UNC93A: variants seen among roughly 807,000 people sequenced by gnomAD.
The protein encoded by UNC93A is N-acetylglucosamine transporter UNC93A.
In UNC93A, 43 loss-of-function variants were observed where a neutral mutation model predicts 47.5. The observed-to-expected ratio is 0.91, with a 90% confidence interval of 0.71 to 1.17. The LOEUF (loss-of-function observed/expected upper bound fraction) is 1.17, where lower values mean the gene tolerates loss of function less well. Among genes scored for constraint, UNC93A ranks in the 50% most tolerant of loss-of-function variants. The pLI is 0.00. For synonymous variants in UNC93A, 280 were observed against 258.0 expected (o/e 1.09, Z -0.82); for missense variants, 605 against 577.6 (o/e 1.05, Z -0.49).
At chr6:167,298,956 A>T (rs1232220879) in intron 4 of UNC93A, among the ~76,000 whole-genome samples, 1 of 151,886 alleles carries the variant, frequency 6.6e-6, no homozygotes. Flanking sequence ...TGCACTAAAA[A>T]TACAAAAATT....
chr6:167,274,608 C>T (rs1377401678), intron 1 of UNC93A, among the ~76,000 whole-genome samples: 1 of 152,168 alleles, frequency 6.6e-6, no homozygotes, highest in Non-Finnish European at 1.5e-5. Flanking sequence ...TTCTCTATGA[C>T]ACTCTTAGCT....
At chr6:167,272,812 G>C (rs567531918) in intron 1 of UNC93A, among the ~76,000 whole-genome samples, 1 of 152,272 alleles carries the variant, frequency 6.6e-6, no homozygotes, top group African/African-American at 2.4e-5. Context: ...ATTTACAGAG[G>C]AAGCCTTCAG....
intron 7 of UNC93A, among the ~76,000 whole-genome samples, chr6:167,310,608 C>G (rs374206967): frequency 6.6e-6 from 1 of 152,130 alleles, no homozygotes; most frequent in Non-Finnish European, 1.5e-5. Flanking sequence ...TGGCCGGGTG[C>G]GGTGTCTCAC....
At chr6:167,296,318 G>C (rs562644976) in intron 3 of UNC93A, 57 bp downstream of exon 3, 4 of 1,570,244 alleles carry the variant, frequency 2.5e-6, no homozygotes, top group Non-Finnish European at 8.8e-7. Flanking sequence ...TTCAGTGATG[G>C]GGGAGAGGGT....
chr6:167,309,229 G>T (rs1193859209), intron 7 of UNC93A, among the ~76,000 whole-genome samples: 2 of 152,194 alleles, frequency 1.3e-5, no homozygotes, highest in East Asian at 3.8e-4. Context: ...GGTGCTTTGT[G>T]CGGGCTGGCT....
At chr6:167,276,537 GA>G (rs2115074826) in intron 1 of UNC93A, among the ~76,000 whole-genome samples, 1 of 152,272 alleles carries the variant, frequency 6.6e-6, no homozygotes, top group Non-Finnish European at 1.5e-5. Flanking sequence ...AGAGATGTGA[GA>G]CCCCGGCAGT....
chr6:167,292,760 A>C (rs1783869721), intron 1 of UNC93A, among the ~76,000 whole-genome samples: 1 of 152,078 alleles, frequency 6.6e-6, no homozygotes, highest in African/African-American at 2.4e-5. Context: ...GTGCATGTTG[A>C]ATGTGGTTGG....
rs781497199 is a variant in UNC93A at position 167,307,802 on chromosome 6, A to G, written c.1000A>G (p.Met334Val). The change falls in exon 7 of 8, where the codon ATG becomes GTG. Residue 334 changes from methionine (M) to valine (V), a missense_variant. Physicochemically the swap from Met to Val is conservative, Grantham distance 21. Coordinates refer to ENST00000230256, the MANE Select transcript of UNC93A (RefSeq NM_018974.4). ...AGGCGCGGTGACCCACGTGTCCTGC[A>G]TGATTGCCCTACTGCTGTGGAGACC... ...VLGAVTHVSCMIALLLWRPRA... is the reference protein window; with the variant it reads ...VLGAVTHVSCVIALLLWRPRA... 76 of 1,605,708 alleles carry G rather than the reference A, an allele frequency of 4.7e-5. No individual in the cohort carries two copies. Among genetic ancestry groups the G allele is most frequent in the Non-Finnish European group, 6.1e-5 (72 of 1,177,612 alleles).
chr6:167,274,677 G>A (rs1783509041), intron 1 of UNC93A, among the ~76,000 whole-genome samples: 1 of 152,170 alleles, frequency 6.6e-6, no homozygotes, highest in African/African-American at 2.4e-5. Flanking sequence ...CCTGCTACGT[G>A]ACATGGGCAC....
At chr6:167,277,402 C>T (rs1019845364) in intron 1 of UNC93A, among the ~76,000 whole-genome samples, 17 of 152,310 alleles carry the variant, frequency 1.1e-4, no homozygotes, top group African/African-American at 4.1e-4. Flanking sequence ...GCTGGCCTGA[C>T]CAATTCAGGT....
At chr6:167,307,712 C>A (rs942149845) in intron 6 of UNC93A, 67 bp from the exon 7 acceptor site, 4 of 1,537,590 alleles carry the variant, frequency 2.6e-6, no homozygotes, top group African/African-American at 1.6e-5. Flanking sequence ...CACTGACCCA[C>A]CTCCAGGCCC....
intron 4 of UNC93A, among the ~76,000 whole-genome samples, chr6:167,300,080 G>A (rs1778199729): frequency 6.6e-6 from 1 of 152,110 alleles, no homozygotes; most frequent in Non-Finnish European, 1.5e-5. Flanking sequence ...AGACAGCCCT[G>A]GGGTTGACAG....
At chr6:167,291,246 G>A (rs936386771), upstream of UNC93A, 1 of 380,400 alleles carries the variant, frequency 2.6e-6, no homozygotes, top group Non-Finnish European at 4.7e-6. Context: ...TGGACATTGT[G>A]GATCACAGAG....
Position 167,294,711 on chromosome 6 carries a change from C to A in UNC93A, c.269+13C>A. The A allele has an allele frequency of 6.3e-7, 1 of 1,577,164 alleles. No homozygotes were observed. Among genetic ancestry groups the A allele is most frequent in the Non-Finnish European group, 8.6e-7 (1 of 1,157,644 alleles). ...TCTTCGCCAGCTGGTACGCAGCCAC[C>A]ACCCCCTGCCCACCCCACCCCGGCC... is the stretch of plus-strand genomic sequence containing the variant. On this transcript the variant is annotated intron_variant, in intron 2 of 7. Transcript: ENST00000230256.
At chr6:167,304,751 G>A (rs1043921390) in intron 5 of UNC93A, among the ~76,000 whole-genome samples, 1 of 152,038 alleles carries the variant, frequency 6.6e-6, no homozygotes, top group African/African-American at 2.4e-5. Context: ...TGTATTTTTA[G>A]TAGAGACAGG....
At chr6:167,274,913 C>T (rs1411540477) in intron 1 of UNC93A, among the ~76,000 whole-genome samples, 1 of 152,186 alleles carries the variant, frequency 6.6e-6, no homozygotes, top group Non-Finnish European at 1.5e-5. Context: ...ATTCCTTGAC[C>T]TTCTTCCAGA....
At chr6:167,315,000 C>G (rs1778652953) in intron 7 of UNC93A, among the ~76,000 whole-genome samples, 187 bp from the exon 8 acceptor site, 1 of 152,190 alleles carries the variant, frequency 6.6e-6, no homozygotes, top group Admixed American at 6.5e-5. Flanking sequence ...TCTAAGTTAA[C>G]TGAGACCTGC....
chr6:167,284,591 A>G (rs1783689564), intron 1 of UNC93A, among the ~76,000 whole-genome samples: 1 of 152,304 alleles, frequency 6.6e-6, no homozygotes, highest in African/African-American at 2.4e-5. Flanking sequence ...ACTTGAGTAG[A>G]TACTGATCAT....
At chr6:167,300,522 C>A (rs115630316) in intron 4 of UNC93A, among the ~76,000 whole-genome samples, 3,330 of 152,182 alleles carry the variant, frequency 0.022, 149 homozygotes, top group African/African-American at 0.075. Context: ...GCCCATCAGG[C>A]GAGCAACCTG....
Sources: allele counts gnomAD v4.1 joint callset (sites outside exome capture counted in the v4.1 genomes callset), GRCh38; gene constraint gnomAD v4.1.1; transcripts MANE v1.5; gene names NCBI Gene and HGNC (gene_info 2026-07-23, HGNC 2026-07-21).